Variants in RPS6KB1 observed in about 807,000 individuals in gnomAD.
RPS6KB1 encodes ribosomal protein S6 kinase beta-1.
RPS6KB1 carries 12 observed loss-of-function variants against 70.2 expected under a neutral mutation model. The observed-to-expected ratio is 0.17, with a 90% CI of 0.11 to 0.28. The LOEUF (loss-of-function observed/expected upper bound fraction) is 0.28. Ranked by LOEUF, RPS6KB1 falls within the 10% of genes least tolerant of loss-of-function variation. RPS6KB1 has a pLI of 1.00. For synonymous variants in RPS6KB1, 175 were observed against 211.2 expected, an observed-to-expected ratio of 0.83 and a Z score of 1.49; for missense variants, 270 against 646.6, an observed-to-expected ratio of 0.42 and a Z score of 6.32.
rs1342376918 is a variant in RPS6KB1, at chr17:59,945,491, T to C, written c.1313T>C (p.Phe438Ser). Residue 438 changes from phenylalanine (F) to serine (S), a missense_variant, in exon 14 of 15, where the codon TTT becomes TCT. Phe to Ser is a radical substitution (Grantham distance 155, BLOSUM62 -2). Around this residue, in one of 4 missense-constraint regions of RPS6KB1, gnomAD observed 133 missense variants for 314.7 expected, o/e 0.42. Transcript: ENST00000225577. ...CCAAAAATCCGATCACCTCGAAGAT[T>C]TATTGGCAGCCCACGAACACCTGTC... Reference protein sequence around the residue: ...FEPKIRSPRRFIGSPRTPVSP... With the variant: ...FEPKIRSPRRSIGSPRTPVSP... The C allele has an allele frequency of 6.2e-7, 1 of 1,610,112 alleles. No individual in the cohort carries two copies. The highest frequency in any genetic ancestry group is 8.5e-7 in the Non-Finnish European group (1 of 1,176,406).
chr17:59,902,399 A>T (rs999139476), intron 1 of RPS6KB1, among the ~76,000 whole-genome samples: 1 of 151,894 alleles, frequency 6.6e-6, no homozygotes, highest in Admixed American at 6.6e-5. Context: ...GCCACAGCAT[A>T]AAGTTTTTGA....
At chr17:59,936,114 TA>T in intron 10 of RPS6KB1, 100 bp from the exon 11 acceptor site, 2 of 1,091,094 alleles carry the variant, frequency 1.8e-6, no homozygotes, top group South Asian at 2.8e-5. Context: ...GCCAATAAAC[TA>T]TATTTTCTCA....
At chr17:59,915,794 TTTTTTA>T (rs2042923654) in intron 4 of RPS6KB1, among the ~76,000 whole-genome samples, 7 of 134,558 alleles carry the variant, frequency 5.2e-5, no homozygotes, top group Middle Eastern at 3.9e-3. Flanking sequence ...TTTTTTTTTT[TTTTTTA>T]TTGTGACAGA....
At chr17:59,912,835 G>A (rs987835698) in intron 3 of RPS6KB1, 31 bp downstream of exon 3, 1 of 1,611,198 alleles carries the variant, frequency 6.2e-7, no homozygotes, top group South Asian at 1.1e-5. Context: ...GAGAGCTGTT[G>A]TCTGTCTTGA....
At chr17:59,902,162 T>C (rs538061976) in intron 1 of RPS6KB1, among the ~76,000 whole-genome samples, 20 of 137,212 alleles carry the variant, frequency 1.5e-4, no homozygotes, top group African/African-American at 5.6e-4. Context: ...TGGAGTGCAG[T>C]GGTGTGATCT....
chr17:59,907,694 A>C (rs1463834587), intron 1 of RPS6KB1, among the ~76,000 whole-genome samples: 1 of 152,056 alleles, frequency 6.6e-6, no homozygotes, highest in Non-Finnish European at 1.5e-5. Context: ...ATGTGCCACC[A>C]CACTCAGCTA....
intron 4 of RPS6KB1, among the ~76,000 whole-genome samples, chr17:59,924,399 AGT>A (rs2043470670): frequency 1.3e-5 from 2 of 152,220 alleles, no homozygotes; most frequent in Non-Finnish European, 2.9e-5. Flanking sequence ...TTGGTGTAAT[AGT>A]CAATTAAATT....
intron 1 of RPS6KB1, among the ~76,000 whole-genome samples, chr17:59,901,439 G>A (rs574554162): frequency 9.1e-4 from 136 of 149,910 alleles, no homozygotes; most frequent in African/African-American, 3.1e-3. Context: ...GTGAGCCACC[G>A]CGCCTGGCCG....
At chr17:59,904,651 C>G (rs1222403719) in intron 1 of RPS6KB1, among the ~76,000 whole-genome samples, 1 of 151,006 alleles carries the variant, frequency 6.6e-6, no homozygotes, top group Non-Finnish European at 1.5e-5. Flanking sequence ...GCCTCGGCCT[C>G]CCAAAGTGCT....
rs577763718 is a variant in RPS6KB1, at chr17:59,947,696, C to T, written c.*908C>T. 2.7e-6 allele frequency: 2 copies of T among 733,064 alleles called. No homozygotes were observed. The highest frequency in any genetic ancestry group is 3.5e-5 in the African/African-American group (2 of 56,772). 45.4% of individuals were successfully genotyped at this position (733,064 alleles called of 1,614,324 possible). A position where few individuals can be genotyped will look rare whatever the true frequency, so the allele number is the denominator to read the frequency against. ...ATTGCACTGGAAAAAAAAATCGCCACCTGTTCTTACACCAGTATTTGGTTC... is the reference window on the plus strand; with the variant it reads ...ATTGCACTGGAAAAAAAAATCGCCATCTGTTCTTACACCAGTATTTGGTTC... On this transcript the variant is annotated 3_prime_UTR_variant, in exon 15 of 15. Coordinates refer to ENST00000225577, the MANE Select transcript of RPS6KB1 (RefSeq NM_003161.4).
chr17:59,895,955 T>A (rs760870732), intron 1 of RPS6KB1, among the ~76,000 whole-genome samples: 3 of 152,122 alleles, frequency 2.0e-5, no homozygotes, highest in Non-Finnish European at 4.4e-5. Flanking sequence ...TTCAATGATG[T>A]TTTCATGCAG....
chr17:59,927,175 T>C (rs1390896777), intron 5 of RPS6KB1, among the ~76,000 whole-genome samples: 1 of 152,048 alleles, frequency 6.6e-6, no homozygotes, highest in Admixed American at 6.6e-5. Context: ...CTCTGCCTCC[T>C]GGAGTTCAAG....
intron 1 of RPS6KB1, among the ~76,000 whole-genome samples, chr17:59,908,598 T>A (rs1300206970): frequency 6.6e-6 from 1 of 150,592 alleles, no homozygotes; most frequent in Non-Finnish European, 1.5e-5. Flanking sequence ...ACAGTTAAGT[T>A]GTCATGTAAA....
chr17:59,932,378 C>T (rs2043973468), intron 7 of RPS6KB1, among the ~76,000 whole-genome samples: 1 of 152,082 alleles, frequency 6.6e-6, no homozygotes, highest in Non-Finnish European at 1.5e-5. Flanking sequence ...CGACATTATA[C>T]TCCAGCCTGA....
chr17:59,936,584 G>A lies in RPS6KB1; in HGVS notation c.1119+43G>A, dbSNP rs1171555093. On this transcript the variant is annotated intron_variant, in intron 12 of 14. Coordinates refer to ENST00000225577, the MANE Select transcript of RPS6KB1 (RefSeq NM_003161.4). ...TGTATAATTGGGTGCAGTGGCTCAC[G>A]CCTGTAATCCCCAAACTTTAAAGGG... 42 of 1,516,512 alleles carry A rather than the reference G, an allele frequency of 2.8e-5. No homozygotes were observed. In the Admixed American group the frequency reaches 5.2e-4, roughly 19 times the overall value. The allele number at this position is 1,516,512 out of a possible 1,614,324, so 93.9% of individuals were successfully genotyped here. A position where few individuals can be genotyped will look rare whatever the true frequency, so the allele number is the denominator to read the frequency against.
intron 7 of RPS6KB1, among the ~76,000 whole-genome samples, chr17:59,933,055 A>G (rs2044026327): frequency 6.6e-6 from 1 of 152,168 alleles, no homozygotes; most frequent in Non-Finnish European, 1.5e-5. Flanking sequence ...CAGCTGACCC[A>G]GGGTATCTAG....
intron 1 of RPS6KB1, among the ~76,000 whole-genome samples, chr17:59,903,624 G>C (rs561996151): frequency 4.9e-4 from 74 of 152,186 alleles, no homozygotes; most frequent in African/African-American, 1.7e-3. Flanking sequence ...TTTAAGAGAC[G>C]AACTTTTCCA....
At chr17:59,900,226 A>AC (rs1419394635) in intron 1 of RPS6KB1, among the ~76,000 whole-genome samples, 5 of 139,928 alleles carry the variant, frequency 3.6e-5, no homozygotes, top group African/African-American at 5.5e-5. Context: ...ACACACACAC[A>AC]CACACCCCTA....
chr17:59,935,414 G>C (rs1345932030), intron 10 of RPS6KB1, 114 bp downstream of exon 10: 11 of 512,928 alleles, frequency 2.1e-5, no homozygotes, highest in Non-Finnish European at 3.4e-5. Context: ...GAACAAAAAA[G>C]TCTTCAATTT....
Sources: allele counts gnomAD v4.1 joint callset (sites outside exome capture counted in the v4.1 genomes callset), GRCh38; gene constraint gnomAD v4.1.1; regional missense constraint gnomAD v4.1.1; transcripts MANE v1.5; gene names NCBI Gene and HGNC (gene_info 2026-07-23, HGNC 2026-07-21).